The following BMP6 variants were observed in gnomAD, a reference collection of about 807,000 sequenced individuals.
The protein encoded by BMP6 is VG-1-R.
Under a neutral mutation model 54.1 loss-of-function variants are expected in BMP6, and 17 were observed. The observed-to-expected ratio is 0.31, with a 90% CI of 0.22 to 0.47. The LOEUF is 0.47. Among genes scored for constraint, BMP6 ranks in the 20% least tolerant of loss-of-function variants. The probability of loss-of-function intolerance (pLI) is 1.00; values close to 1 mark genes in which losing one functional copy is unlikely to be tolerated. For synonymous variants in BMP6, 328 were observed against 291.2 expected (o/e 1.13, Z -1.28); for missense variants, 720 against 690.4 (o/e 1.04, Z -0.48).
At chr6:7,809,184 T>C (rs770358516) in intron 1 of BMP6, among the ~76,000 whole-genome samples, 10 of 149,706 alleles carry the variant, frequency 6.7e-5, no homozygotes, top group Non-Finnish European at 1.5e-4. Context: ...TTTAAAAACT[T>C]TGGGCTGGAG....
chr6:7,798,238 C>G (rs577356365), intron 1 of BMP6, among the ~76,000 whole-genome samples: 1 of 152,214 alleles, frequency 6.6e-6, no homozygotes, highest in African/African-American at 2.4e-5. Context: ...ACAGGGTATA[C>G]CTTTAGGCCA....
intron 1 of BMP6, among the ~76,000 whole-genome samples, chr6:7,745,271 A>C (rs2113122106): frequency 6.6e-6 from 1 of 152,298 alleles, no homozygotes; most frequent in African/African-American, 2.4e-5. Flanking sequence ...ATGGCATCTA[A>C]GGACTACTTG....
At position 7,734,301 on chromosome 6, in the gene BMP6, C is replaced by T. The variant is rs181330278; in HGVS notation, c.664+6682C>T. ...GAATTTAGAGCTTGAAAAGTTCTCG[C>T]ATATCATCTAATCTGTTTGTTCGCA... On this transcript the variant is annotated intron_variant, in intron 1 of 6. Coordinates refer to ENST00000283147, the MANE Select transcript of BMP6 (RefSeq NM_001718.6). Among the ~76,000 whole-genome samples the T allele has an allele frequency of 5.9e-5, 9 of 152,328 alleles. No individual in the cohort carries two copies. In the East Asian group the frequency reaches 1.7e-3, roughly 29 times the overall value.
chr6:7,761,734 C>T (rs1240596825), intron 1 of BMP6, among the ~76,000 whole-genome samples: 5 of 152,224 alleles, frequency 3.3e-5, no homozygotes, highest in Non-Finnish European at 2.9e-5. Context: ...TCATTGATAT[C>T]TTCAGAGTAG....
intron 1 of BMP6, among the ~76,000 whole-genome samples, chr6:7,733,563 C>G (rs949540304): frequency 6.6e-6 from 1 of 152,190 alleles, no homozygotes; most frequent in Non-Finnish European, 1.5e-5. Context: ...CTGGGCTGCT[C>G]CAGCCGCAGG....
At chr6:7,730,199 C>T (rs564615250) in intron 1 of BMP6, among the ~76,000 whole-genome samples, 3 of 152,324 alleles carry the variant, frequency 2.0e-5, no homozygotes, top group African/African-American at 7.2e-5. Flanking sequence ...GGACACACTG[C>T]CTCTGAGTCA....
At chr6:7,779,260 AAGTT>A (rs1757904739) in intron 1 of BMP6, among the ~76,000 whole-genome samples, 2 of 152,220 alleles carry the variant, frequency 1.3e-5, no homozygotes, top group South Asian at 4.1e-4. Context: ...GGGGATGCTC[AAGTT>A]ATCAGCTCCA....
intron 1 of BMP6, among the ~76,000 whole-genome samples, chr6:7,770,121 T>A (rs1242703888): frequency 6.6e-6 from 1 of 152,132 alleles, no homozygotes; most frequent in East Asian, 1.9e-4. Context: ...TAACCACTTG[T>A]AAACTTCAAG....
At chr6:7,837,574 A>T (rs979715299) in intron 1 of BMP6, among the ~76,000 whole-genome samples, 1 of 152,214 alleles carries the variant, frequency 6.6e-6, no homozygotes, top group Non-Finnish European at 1.5e-5. Flanking sequence ...GTTCTCACTT[A>T]TAAGTGGGAG....
chr6:7,856,492 G>C (rs529423603), intron 2 of BMP6, among the ~76,000 whole-genome samples: 13 of 151,948 alleles, frequency 8.6e-5, no homozygotes, highest in African/African-American at 2.9e-4. Context: ...AAATGCAAAG[G>C]AATGTGTTAT....
intron 2 of BMP6, among the ~76,000 whole-genome samples, chr6:7,849,738 A>G (rs539523512): frequency 6.6e-6 from 1 of 152,364 alleles, no homozygotes; most frequent in African/African-American, 2.4e-5. Context: ...GACACGTTCA[A>G]TATCTGAACC....
chr6:7,743,107 A>G (rs1757293828), intron 1 of BMP6, among the ~76,000 whole-genome samples: 1 of 152,216 alleles, frequency 6.6e-6, no homozygotes, highest in Admixed American at 6.5e-5. Context: ...CAAGGGAAAA[A>G]TGAAAATAAT....
At chr6:7,852,169 T>C (rs1191702827) in intron 2 of BMP6, among the ~76,000 whole-genome samples, 3 of 152,258 alleles carry the variant, frequency 2.0e-5, no homozygotes, top group African/African-American at 7.2e-5. Flanking sequence ...AGACAAAATA[T>C]GGCCAAATCA....
intron 1 of BMP6, among the ~76,000 whole-genome samples, chr6:7,771,775 G>A (rs1189789726): frequency 1.3e-5 from 2 of 152,112 alleles, no homozygotes; most frequent in African/African-American, 2.4e-5. Flanking sequence ...CTTTTAGGTC[G>A]GATGCGGTGG....
At chr6:7,808,302 C>A (rs1042385095) in intron 1 of BMP6, among the ~76,000 whole-genome samples, 2 of 152,148 alleles carry the variant, frequency 1.3e-5, no homozygotes, top group Admixed American at 1.3e-4. Flanking sequence ...TGGTAGAAAA[C>A]AAACTTCTGC....
chr6:7,851,801 G>GT (rs201342793), intron 2 of BMP6, among the ~76,000 whole-genome samples: 161 of 150,720 alleles, frequency 1.1e-3, no homozygotes, highest in African/African-American at 2.9e-3. Context: ...TTTATCAAAT[G>GT]TTTTTTTTTA....
intron 2 of BMP6, among the ~76,000 whole-genome samples, chr6:7,846,711 A>G (rs1470968910): frequency 6.6e-6 from 1 of 152,238 alleles, no homozygotes; most frequent in Non-Finnish European, 1.5e-5. Context: ...ACTCCTAAAT[A>G]AAAATATATT....
At chr6:7,727,662 T>G (rs766669731) in intron 1 of BMP6, 43 bp downstream of exon 1, 4 of 1,469,682 alleles carry the variant, frequency 2.7e-6, no homozygotes, top group Non-Finnish European at 3.6e-6. Context: ...ATTTCCCCCT[T>G]TTCAGTGTCC....
chr6:7,740,376 T>G (rs986361207), intron 1 of BMP6, among the ~76,000 whole-genome samples: 1 of 152,148 alleles, frequency 6.6e-6, no homozygotes, highest in South Asian at 2.1e-4. Flanking sequence ...TTTTTCAAAT[T>G]TTTTAGTTTT....
Sources: allele counts gnomAD v4.1 joint callset (sites outside exome capture counted in the v4.1 genomes callset), GRCh38; gene constraint gnomAD v4.1.1; transcripts MANE v1.5; gene names NCBI Gene and HGNC (gene_info 2026-07-23, HGNC 2026-07-21).